PPP2R2D: variants seen among roughly 807,000 people sequenced by gnomAD.
PPP2R2D encodes the protein protein phosphatase 2 regulatory subunit Bdelta, also known as serine/threonine-protein phosphatase 2A 55 kDa regulatory subunit B delta isoform.
A neutral mutation model predicts 31.1 loss-of-function variants in PPP2R2D; 9 were observed. That is an observed-to-expected ratio of 0.29 (90% CI 0.17 to 0.51). PPP2R2D has a LOEUF of 0.51. Among genes scored for constraint, PPP2R2D ranks in the 20% least tolerant of loss-of-function variants. The pLI, the probability that PPP2R2D is intolerant of heterozygous loss-of-function variation, is 0.98. For missense variants in PPP2R2D, 391 were observed against 465.6 expected, an observed-to-expected ratio of 0.84 and a Z score of 1.48; for synonymous variants, 179 against 172.6, an observed-to-expected ratio of 1.04 and a Z score of -0.29.
intron 8 of PPP2R2D, among the ~76,000 whole-genome samples, chr10:131,951,630 G>A (rs2036637616): frequency 1.3e-5 from 2 of 152,144 alleles, no homozygotes; most frequent in Non-Finnish European, 2.9e-5. Context: ...AGAGCAGCCT[G>A]ACCAACATAG....
chr10:131,927,266 G>A (rs994852428), intron 2 of PPP2R2D, among the ~76,000 whole-genome samples: 2 of 152,076 alleles, frequency 1.3e-5, no homozygotes, highest in Admixed American at 1.3e-4. Flanking sequence ...ATCAAATGAA[G>A]GAAGGAGAAA....
At chr10:131,903,466 CAAAAAAAAAAAAA>C (rs1175160035) in intron 2 of PPP2R2D, among the ~76,000 whole-genome samples, 2 of 74,434 alleles carry the variant, frequency 2.7e-5, no homozygotes, top group African/African-American at 1.0e-4. Context: ...GGCTCCATCT[CAAAAAAAAAAAAA>C]AAAAAAAAAA....
chr10:131,955,645 C>G (rs201278840), intron 8 of PPP2R2D, 39 bp from the exon 9 acceptor site: 55 of 1,366,750 alleles, frequency 4.0e-5, no homozygotes, highest in Middle Eastern at 2.3e-4. Context: ...GCCGCTCCCC[C>G]CACTGAGGAG....
intron 2 of PPP2R2D, among the ~76,000 whole-genome samples, chr10:131,929,126 C>T (rs976832278): frequency 1.4e-4 from 21 of 152,330 alleles, no homozygotes; most frequent in African/African-American, 4.6e-4. Context: ...GCCCCCTGTA[C>T]TACCTCGGAA....
intron 2 of PPP2R2D, among the ~76,000 whole-genome samples, chr10:131,910,500 T>G (rs2035665101): frequency 6.6e-6 from 1 of 152,198 alleles, no homozygotes; most frequent in African/African-American, 2.4e-5. Context: ...TTCTGTGAAG[T>G]GAGGGACGCA....
chr10:131,971,216 A>C, the PPP2R2D span: 1 of 522,246 alleles, frequency 1.9e-6, no homozygotes, highest in East Asian at 3.4e-5. Flanking sequence ...AGCCCCACTC[A>C]GGGCGTAAAT....
At chr10:131,907,462 C>G (rs897034934) in intron 2 of PPP2R2D, among the ~76,000 whole-genome samples, 15 of 152,084 alleles carry the variant, frequency 9.9e-5, no homozygotes, top group African/African-American at 3.6e-4. Flanking sequence ...ACAGACTCGC[C>G]GGGCGCAGTG....
the PPP2R2D span, among the ~76,000 whole-genome samples, chr10:131,965,590 G>T: frequency 6.6e-6 from 1 of 152,142 alleles, no homozygotes; most frequent in African/African-American, 2.4e-5. Flanking sequence ...GGGACTACAG[G>T]TACGCCACCA....
intron 2 of PPP2R2D, among the ~76,000 whole-genome samples, chr10:131,921,616 G>T (rs1334537987): frequency 6.6e-6 from 1 of 152,174 alleles, no homozygotes; most frequent in African/African-American, 2.4e-5. Flanking sequence ...TTTACTAAGG[G>T]CAGTGAGGAT....
chr10:131,921,479 C>T (rs1433420921), intron 2 of PPP2R2D, among the ~76,000 whole-genome samples: 1 of 151,982 alleles, frequency 6.6e-6, no homozygotes, highest in Non-Finnish European at 1.5e-5. Flanking sequence ...AGGGATGGGC[C>T]TGGACCGGGA....
At chr10:131,910,699 T>C (rs2035667907) in intron 2 of PPP2R2D, among the ~76,000 whole-genome samples, 1 of 152,200 alleles carries the variant, frequency 6.6e-6, no homozygotes, top group East Asian at 1.9e-4. Context: ...TCGTCAGTGA[T>C]GTCTTCGTAA....
chr10:131,968,651 G>T, the PPP2R2D span: 1 of 1,297,698 alleles, frequency 7.7e-7, no homozygotes, highest in Non-Finnish European at 1.1e-6. Flanking sequence ...GTAGCTCACT[G>T]TGGTTAGAGC....
At chr10:131,962,171 G>A (rs1321479992), downstream of PPP2R2D, among the ~76,000 whole-genome samples, 5 of 152,188 alleles carry the variant, frequency 3.3e-5, no homozygotes, top group African/African-American at 7.2e-5. Flanking sequence ...CTAGCTGCCC[G>A]GTGATGACAC....
chr10:131,948,263 T>C (rs1043250507), intron 8 of PPP2R2D, among the ~76,000 whole-genome samples: 4 of 152,204 alleles, frequency 2.6e-5, no homozygotes, highest in Non-Finnish European at 5.9e-5. Context: ...TAATTTATAA[T>C]GTGATGGTTC....
intron 8 of PPP2R2D, 146 bp from the exon 9 acceptor site, chr10:131,955,538 C>T (rs2120043076): frequency 1.8e-6 from 1 of 563,500 alleles, no homozygotes. Context: ...CTCTTCTGCC[C>T]ATTGTGATTG....
At chr10:131,928,565 A>G (rs992722455) in intron 2 of PPP2R2D, among the ~76,000 whole-genome samples, 1 of 152,162 alleles carries the variant, frequency 6.6e-6, no homozygotes, top group Non-Finnish European at 1.5e-5. Context: ...TATGCTTTTC[A>G]AGAGCTTCCT....
chr10:131,916,824 G>A (rs1366191836), intron 2 of PPP2R2D, among the ~76,000 whole-genome samples: 8 of 149,704 alleles, frequency 5.3e-5, no homozygotes, highest in East Asian at 2.0e-4. Context: ...ACCTCAGTCG[G>A]GTGGAATGAC....
intron 5 of PPP2R2D, among the ~76,000 whole-genome samples, chr10:131,942,003 T>G (rs996014578): frequency 6.6e-6 from 1 of 152,234 alleles, no homozygotes; most frequent in Non-Finnish European, 1.5e-5. Flanking sequence ...TGAATTAGTG[T>G]AAATCACTTT....
At chr10:131,912,249 T>C (rs2035696871) in intron 2 of PPP2R2D, 1 of 152,232 alleles carries the variant, frequency 6.6e-6, no homozygotes, top group South Asian at 2.1e-4. Flanking sequence ...TGGAGTGCAG[T>C]GGTGCGATCA....
Sources: allele counts gnomAD v4.1 joint callset (sites outside exome capture counted in the v4.1 genomes callset), GRCh38; gene constraint gnomAD v4.1.1; transcripts MANE v1.5; gene names NCBI Gene and HGNC (gene_info 2026-07-23, HGNC 2026-07-21).